PTPRD: variants seen among roughly 807,000 people sequenced by gnomAD.
PTPRD encodes the protein protein tyrosine phosphatase receptor type D.
A neutral mutation model predicts 214.5 loss-of-function variants in PTPRD; 34 were observed. The observed-to-expected ratio is 0.16, with a 90% CI of 0.12 to 0.21. The LOEUF (loss-of-function observed/expected upper bound fraction) is 0.21, where lower values mean the gene tolerates loss of function less well. Ranked by LOEUF, PTPRD falls within the 10% of genes least tolerant of loss-of-function variation. The pLI, the probability that PTPRD is intolerant of heterozygous loss-of-function variation, is 1.00. For missense variants in PTPRD, 2,545 were observed against 2,398.7 expected (o/e 1.06, Z -1.27); for synonymous variants, 1,128 against 845.7 (o/e 1.33, Z -5.79).
Position 9,690,437 on chromosome 9 carries a change from C to T in PTPRD, c.-287+44096G>A, listed in dbSNP as rs1187152269. On this transcript the variant is annotated intron_variant, in intron 7 of 45. Coordinates refer to ENST00000381196, the MANE Select transcript of PTPRD (RefSeq NM_002839.4). ...TTTTCACCCATCCTGTGGGTCATCTCTTCACTTTGTTGATTGTTACCTTTA... is the reference window on the plus strand; with the variant it reads ...TTTTCACCCATCCTGTGGGTCATCTTTTCACTTTGTTGATTGTTACCTTTA... Among the ~76,000 whole-genome samples the T allele has an allele frequency of 1.7e-4, 26 of 151,880 alleles. 1 individual carries two copies. The highest frequency in any genetic ancestry group is 1.7e-3 in the Admixed American group (26 of 15,208).
chr9:10,082,839 A>AC (rs57650992), intron 3 of PTPRD, among the ~76,000 whole-genome samples: 41,011 of 143,042 alleles, frequency 0.29, 5,997 homozygotes, highest in African/African-American at 0.43. Context: ...ACACACACAC[A>AC]AACACACACA....
At chr9:9,408,649 A>G (rs184469953) in intron 8 of PTPRD, among the ~76,000 whole-genome samples, 110 of 152,046 alleles carry the variant, frequency 7.2e-4, no homozygotes, top group African/African-American at 2.2e-3. Flanking sequence ...GCATTATATT[A>G]AGGAAAGAAT....
At chr9:10,369,431 G>A (rs951986239) in intron 2 of PTPRD, among the ~76,000 whole-genome samples, 4 of 151,954 alleles carry the variant, frequency 2.6e-5, no homozygotes, top group Admixed American at 2.6e-4. Context: ...ACAGTAGTGA[G>A]AGAACAAAGA....
chr9:9,128,425 C>T (rs1225032434), intron 10 of PTPRD, among the ~76,000 whole-genome samples: 1 of 152,060 alleles, frequency 6.6e-6, no homozygotes. Flanking sequence ...ATGTCAAAAC[C>T]TACATTCTAT....
intron 9 of PTPRD, among the ~76,000 whole-genome samples, chr9:9,256,040 T>G (rs1470568099): frequency 1.3e-5 from 2 of 152,032 alleles, no homozygotes; most frequent in Non-Finnish European, 2.9e-5. Flanking sequence ...TTTATTGAAC[T>G]TTAGAATAGC....
At chr9:10,114,046 T>C (rs1010057422) in intron 3 of PTPRD, among the ~76,000 whole-genome samples, 1 of 152,302 alleles carries the variant, frequency 6.6e-6, no homozygotes, top group South Asian at 2.1e-4. Flanking sequence ...ATAAGTAATC[T>C]CAAGTGATTT....
chr9:9,963,575 G>T (rs897728048), intron 4 of PTPRD, among the ~76,000 whole-genome samples: 5 of 152,144 alleles, frequency 3.3e-5, no homozygotes, highest in African/African-American at 1.2e-4. Flanking sequence ...CACAAGTATA[G>T]AGTTTATTGT....
At chr9:9,741,075 G>A (rs139623913) in intron 6 of PTPRD, among the ~76,000 whole-genome samples, 1 of 152,144 alleles carries the variant, frequency 6.6e-6, no homozygotes, top group Non-Finnish European at 1.5e-5. Context: ...GGGCAACCGG[G>A]TGATGATATC....
chr9:8,998,872 G>T (rs1445031191), intron 11 of PTPRD, among the ~76,000 whole-genome samples: 1 of 152,014 alleles, frequency 6.6e-6, no homozygotes, highest in Non-Finnish European at 1.5e-5. Flanking sequence ...AATCCTCACA[G>T]ATGACTTTGA....
At chr9:9,492,242 C>T (rs1450294310) in intron 8 of PTPRD, among the ~76,000 whole-genome samples, 4 of 140,310 alleles carry the variant, frequency 2.9e-5, no homozygotes, top group Admixed American at 2.2e-4. Context: ...AAGATTGTAT[C>T]AATAATAAAA....
chr9:8,725,989 C>T (rs1317313192), intron 12 of PTPRD, among the ~76,000 whole-genome samples: 3 of 151,514 alleles, frequency 2.0e-5, no homozygotes, highest in African/African-American at 7.3e-5. Flanking sequence ...CACCACTTCA[C>T]ACAGAGCTTT....
At chr9:10,319,762 GAGTA>G (rs2096519689) in intron 3 of PTPRD, among the ~76,000 whole-genome samples, 1 of 151,906 alleles carries the variant, frequency 6.6e-6, no homozygotes, top group South Asian at 2.1e-4. Flanking sequence ...TAGCAATAAA[GAGTA>G]CTTAAAGAGA....
At chr9:8,382,021 T>C (rs745599734) in intron 37 of PTPRD, among the ~76,000 whole-genome samples, 2 of 152,166 alleles carry the variant, frequency 1.3e-5, no homozygotes, top group Non-Finnish European at 2.9e-5. Flanking sequence ...ATCACCTGGG[T>C]GCCCCACATA....
intron 7 of PTPRD, among the ~76,000 whole-genome samples, chr9:9,624,445 G>T (rs1317341249): frequency 6.6e-6 from 1 of 151,676 alleles, no homozygotes; most frequent in African/African-American, 2.4e-5. Flanking sequence ...ACCATGTCTG[G>T]CTAATTTTTT....
At chr9:10,320,141 A>G (rs1371589479) in intron 3 of PTPRD, among the ~76,000 whole-genome samples, 1 of 152,024 alleles carries the variant, frequency 6.6e-6, no homozygotes, top group Non-Finnish European at 1.5e-5. Flanking sequence ...TTACATCTCT[A>G]TGCAACTATT....
chr9:8,396,525 A>G (rs767632896), intron 36 of PTPRD, among the ~76,000 whole-genome samples: 55 of 152,122 alleles, frequency 3.6e-4, no homozygotes, highest in Non-Finnish European at 7.4e-4. Flanking sequence ...AAAAAAAACA[A>G]AAAAGCTCCA....
rs192132982 is a variant in PTPRD, at chr9:9,420,145, C to T, written c.-236-22663G>A. On this transcript the variant is annotated intron_variant, in intron 8 of 45. Transcript: ENST00000381196. ...AAAATTTCTCCTTGTTAAAGTTTAC[C>T]CAAAATTATCAACAGATTAATCACT... Among the ~76,000 whole-genome samples the T allele has an allele frequency of 2.2e-3, 339 of 151,454 alleles. 1 individual carries two copies. The highest frequency in any genetic ancestry group is 2.7e-3 in the Non-Finnish European group (181 of 67,602).
At chr9:8,840,130 C>G (rs2097530359) in intron 11 of PTPRD, among the ~76,000 whole-genome samples, 11 of 152,118 alleles carry the variant, frequency 7.2e-5, no homozygotes, top group Admixed American at 7.2e-4. Context: ...ATCAGTATCC[C>G]TTTACAACAG....
At chr9:9,246,337 C>T (rs1176997924) in intron 9 of PTPRD, among the ~76,000 whole-genome samples, 1 of 152,040 alleles carries the variant, frequency 6.6e-6, no homozygotes, top group Non-Finnish European at 1.5e-5. Flanking sequence ...TGCAGCCCTG[C>T]AAGCTGAAGC....
Sources: allele counts gnomAD v4.1 joint callset (sites outside exome capture counted in the v4.1 genomes callset), GRCh38; gene constraint gnomAD v4.1.1; transcripts MANE v1.5; gene names NCBI Gene and HGNC (gene_info 2026-07-23, HGNC 2026-07-21).